Variants in TEX9 observed in about 807,000 individuals in gnomAD.
TEX9 encodes testis expressed 9, also known as testis-expressed protein 9.
A neutral mutation model predicts 59.6 loss-of-function variants in TEX9; 74 were observed. The ratio of observed to expected loss-of-function variants is 1.24; its 90% CI spans 1.03 to 1.51. TEX9 has a LOEUF of 1.51. Ranked by LOEUF, TEX9 falls within the 40% of genes most tolerant of loss-of-function variation. The pLI, the probability that TEX9 is intolerant of heterozygous loss-of-function variation, is 0.00. For missense variants in TEX9, 522 were observed against 447.8 expected (o/e 1.17, Z -1.49); for synonymous variants, 186 against 152.2 (o/e 1.22, Z -1.64).
At chr15:56,385,781 A>C (rs1307039676) in intron 4 of TEX9, among the ~76,000 whole-genome samples, 2 of 152,134 alleles carry the variant, frequency 1.3e-5, no homozygotes, top group African/African-American at 4.8e-5. Flanking sequence ...CAGTATTCTA[A>C]GATCAAGAAG....
chr15:56,451,177 G>A, the TEX9 span, among the ~76,000 whole-genome samples: 1 of 152,160 alleles, frequency 6.6e-6, no homozygotes, highest in Non-Finnish European at 1.5e-5. Context: ...TCTGAGTGAG[G>A]TAAAACAGAT....
rs540260072 is a variant in TEX9, at chr15:56,303,331, C to T, written c.-107+59053C>T. The stretch of plus-strand genomic sequence containing the variant: ...GCCACAAAACACGTCTTTAAAAATT[C>T]AGAAAAATTGAAATAATATCAAGTA... On this transcript the variant is annotated intron_variant, in intron 1 of 5. Transcript: ENST00000560827. 1.1e-4 allele frequency among the ~76,000 whole-genome samples: 17 copies of T among 152,114 alleles called. No individual in the cohort carries two copies. In the East Asian group the frequency reaches 1.7e-3, roughly 16 times the overall value.
Position 56,291,996 on chromosome 15 carries a change from G to A in TEX9, c.-107+47718G>A, listed in dbSNP as rs1323011640. On this transcript the variant is annotated intron_variant, in intron 1 of 5. Transcript: ENST00000560827. ...TTGCTAATGTGGTGACATGGCTTCA[G>A]GATGCCTCAACTGAGGCGCTGGCAT... Among the ~76,000 whole-genome samples the A allele has an allele frequency of 2.6e-5, 4 of 152,336 alleles. No homozygotes were observed. The East Asian group carries it at 7.7e-4, about 29-fold the overall frequency.
chr15:56,396,454 G>C (rs1262193964), intron 9 of TEX9: 1 of 151,830 alleles, frequency 6.6e-6, no homozygotes, highest in Non-Finnish European at 1.5e-5. Flanking sequence ...TTTAGTGAAG[G>C]CCTTCCCTAA....
At position 56,342,547 on chromosome 15, in the gene TEX9, T is replaced by C. The variant is rs150839044; in HGVS notation, c.-106-30894T>C. Among the ~76,000 whole-genome samples the C allele has an allele frequency of 4.9e-3, 751 of 152,252 alleles. 3 individuals carry two copies. The highest frequency in any genetic ancestry group is 9.0e-3 in the Non-Finnish European group (613 of 68,006). On this transcript the variant is annotated intron_variant, in intron 1 of 5. Coordinates refer to the TEX9 transcript ENST00000560827. ...TTAAAAGAAAGAAAAGATAAGCTCT[T>C]ATGTGCAGGAGAAAAGTTGGTGTTA...
rs986190988 is a variant in TEX9, at chr15:56,294,585, A to G, written c.-107+50307A>G. On this transcript the variant is annotated intron_variant, in intron 1 of 5. Transcript: ENST00000560827. ...TGTTAACAGAAATAATATGGCATCC[A>G]TATCAACTTCTTTACTATCTTAAGG... 2.0e-5 allele frequency among the ~76,000 whole-genome samples: 3 copies of G among 152,328 alleles called. No individual in the cohort carries two copies. In the South Asian group the frequency reaches 6.2e-4, roughly 32 times the overall value.
chr15:56,259,167 A>G (rs1410795289), intron 1 of TEX9, among the ~76,000 whole-genome samples: 1 of 151,986 alleles, frequency 6.6e-6, no homozygotes, highest in African/African-American at 2.4e-5. Flanking sequence ...TCAGAAATTT[A>G]TGGCCCATGT....
intron 3 of TEX9, among the ~76,000 whole-genome samples, chr15:56,373,864 C>T (rs1270793733): frequency 6.6e-6 from 1 of 152,010 alleles, no homozygotes; most frequent in Non-Finnish European, 1.5e-5. Flanking sequence ...TTCTTACTTT[C>T]TATCCTCCCT....
intron 1 of TEX9, among the ~76,000 whole-genome samples, chr15:56,300,003 A>C (rs2045305290): frequency 6.6e-6 from 1 of 151,926 alleles, no homozygotes; most frequent in Non-Finnish European, 1.5e-5. Context: ...AGAGTAAAGG[A>C]GACTTTGTCT....
intron 1 of TEX9, among the ~76,000 whole-genome samples, chr15:56,308,827 T>C (rs1453028686): frequency 6.6e-6 from 1 of 152,170 alleles, no homozygotes; most frequent in Non-Finnish European, 1.5e-5. Context: ...ATTGAATTAT[T>C]TTATACTATT....
Position 56,339,404 on chromosome 15 carries a change from A to AAAAACAAAAC in TEX9, c.-106-34033_-106-34032insCAAAACAAAA, listed in dbSNP as rs1567091408. 3.8e-4 allele frequency among the ~76,000 whole-genome samples: 53 copies of AAAAACAAAAC among 138,688 alleles called. 4 individuals carry two copies. Among genetic ancestry groups the AAAAACAAAAC allele is most frequent in the South Asian group, 6.8e-4 (3 of 4,412 alleles). The allele number at this position is 138,688 out of a possible 152,430, so 91.0% of individuals were successfully genotyped here. The stretch of plus-strand genomic sequence containing the variant: ...TCTCCAAAAAAAAAAAAAAAAAAAA[A>AAAAACAAAAC]AAAAAAAAAACAGGAGAATAACTTA... On this transcript the variant is annotated intron_variant, in intron 1 of 5. Transcript: ENST00000560827.
chr15:56,331,050 G>C (rs1793175457), intron 1 of TEX9, among the ~76,000 whole-genome samples: 1 of 152,122 alleles, frequency 6.6e-6, no homozygotes, highest in South Asian at 2.1e-4. Flanking sequence ...CAAAAAGAGA[G>C]ACAAAGAAGG....
At chr15:56,267,603 GT>G (rs1193507924) in intron 1 of TEX9, among the ~76,000 whole-genome samples, 5 of 152,036 alleles carry the variant, frequency 3.3e-5, no homozygotes, top group Admixed American at 6.5e-5. Flanking sequence ...CCCATTTCTT[GT>G]TTTTGTCAGG....
At chr15:56,443,265 T>A (rs1386192502) in intron 12 of TEX9, among the ~76,000 whole-genome samples, 3 of 152,210 alleles carry the variant, frequency 2.0e-5, no homozygotes, top group Non-Finnish European at 4.4e-5. Context: ...CCTGAGTCTA[T>A]CTTTTTAGCC....
At chr15:56,279,505 G>A (rs772024814) in intron 1 of TEX9, among the ~76,000 whole-genome samples, 4 of 152,170 alleles carry the variant, frequency 2.6e-5, no homozygotes, top group African/African-American at 9.7e-5. Context: ...AAGCTAAAAT[G>A]AGTTTGCTAA....
intron 5 of TEX9, 142 bp from the exon 6 acceptor site, chr15:56,389,176 T>C (rs1325929151): frequency 1.4e-6 from 1 of 702,450 alleles, no homozygotes; most frequent in Non-Finnish European, 2.5e-6. Context: ...TGTGATATTC[T>C]TGAAAACACA....
At chr15:56,277,446 G>A (rs761667222) in intron 1 of TEX9, among the ~76,000 whole-genome samples, 2 of 152,004 alleles carry the variant, frequency 1.3e-5, no homozygotes, top group Non-Finnish European at 2.9e-5. Context: ...TTCCCCATTG[G>A]TTGTTTTTAT....
the TEX9 span, among the ~76,000 whole-genome samples, chr15:56,459,448 G>A: frequency 5.9e-5 from 9 of 152,122 alleles, no homozygotes; most frequent in Non-Finnish European, 1.0e-4. Flanking sequence ...GTAGATATAT[G>A]CCTTCAATTA....
the TEX9 span, among the ~76,000 whole-genome samples, chr15:56,451,488 T>G: frequency 2.0e-5 from 3 of 152,202 alleles, no homozygotes; most frequent in Admixed American, 2.0e-4. Context: ...GCTTGTTTTC[T>G]GATGTTTGTA....
Sources: gnomAD v4.1 joint callset for allele counts (sites outside exome capture counted in the v4.1 genomes callset) on GRCh38, gnomAD v4.1.1 for gene constraint, MANE v1.5 for transcripts, NCBI Gene and HGNC (gene_info 2026-07-23, HGNC 2026-07-21) for gene names.